The following CRHR2 variants were observed in gnomAD, a reference collection of about 807,000 sequenced individuals.
The protein encoded by CRHR2 is corticotropin-releasing hormone receptor 2.
In CRHR2, 53 loss-of-function variants were observed where a neutral mutation model predicts 57.9. That is an observed-to-expected ratio of 0.92 (90% CI 0.73 to 1.15). The LOEUF is 1.15. CRHR2 is among the 50% of genes most tolerant of loss of function. CRHR2 has a pLI of 0.00. For missense variants in CRHR2, 532 were observed against 542.6 expected (o/e 0.98, Z 0.19); for synonymous variants, 213 against 220.9 (o/e 0.96, Z 0.32).
chr7:30,694,924 GGA>G (rs1173896482), intron 1 of CRHR2, among the ~76,000 whole-genome samples: 1 of 145,444 alleles, frequency 6.9e-6, no homozygotes, highest in African/African-American at 2.6e-5. Context: ...GTCAGAAAAG[GGA>G]GAGGGGGAGA....
In CRHR2 at chr7:30,665,318, T is replaced by G; in HGVS notation, c.426-131A>C. Reference sequence around the variant, plus strand: ...ACTAGGAGCCACTTCCCACCCATGGTGGCCACAGTTGGGCCTCTGAGTCCA... The same window carrying G: ...ACTAGGAGCCACTTCCCACCCATGGGGGCCACAGTTGGGCCTCTGAGTCCA... On this transcript the variant is annotated intron_variant, in intron 4 of 11. Coordinates refer to ENST00000471646, the MANE Select transcript of CRHR2 (RefSeq NM_001883.5). This position sits in a 1 kb window ranked among gnomAD's most constrained non-coding sequence, Gnocchi z 4.5. The G allele has an allele frequency of 1.2e-6, 1 of 851,518 alleles. No homozygotes were observed. The allele number at this position is 851,518 out of a possible 1,614,324, so 52.7% of individuals were successfully genotyped here. A position where few individuals can be genotyped will look rare whatever the true frequency, so the allele number is the denominator to read the frequency against.
At chr7:30,662,910 C>T in intron 5 of CRHR2, 63 bp from the exon 6 acceptor site, 2 of 1,571,770 alleles carry the variant, frequency 1.3e-6, no homozygotes, top group African/African-American at 2.7e-5. Context: ...CATACCCATC[C>T]CCAGGCAGGG....
intron 2 of CRHR2, among the ~76,000 whole-genome samples, chr7:30,676,833 A>C (rs2128146416): frequency 6.6e-6 from 1 of 152,294 alleles, no homozygotes; most frequent in African/African-American, 2.4e-5. Flanking sequence ...ATGTCTCTAG[A>C]ATGGGGTTCT....
intron 5 of CRHR2, 137 bp from the exon 6 acceptor site, chr7:30,662,984 A>C: frequency 2.9e-6 from 3 of 1,039,472 alleles, no homozygotes; most frequent in Non-Finnish European, 4.1e-6. Flanking sequence ...AGCGAACCTC[A>C]CTCTGAAAAG....
At chr7:30,659,799 T>C (rs774861011) in intron 8 of CRHR2, among the ~76,000 whole-genome samples, 4 of 152,238 alleles carry the variant, frequency 2.6e-5, no homozygotes, top group Non-Finnish European at 5.9e-5. Context: ...GAGATGGCAC[T>C]CTCGCTGAGT....
At chr7:30,676,003 A>G (rs62446872) in intron 2 of CRHR2, among the ~76,000 whole-genome samples, 12,453 of 152,258 alleles carry the variant, frequency 0.082, 573 homozygotes, top group Admixed American at 0.12. Flanking sequence ...AGGAAAGATC[A>G]AGATGCATGC....
intron 2 of CRHR2, among the ~76,000 whole-genome samples, chr7:30,680,854 G>A (rs1198529327): frequency 1.1e-4 from 16 of 147,322 alleles, no homozygotes; most frequent in South Asian, 2.2e-4. Flanking sequence ...GTGTGTGTGT[G>A]TATGTGTGGT....
intron 1 of CRHR2, among the ~76,000 whole-genome samples, chr7:30,696,741 TAATTAA>T (rs943631624): frequency 1.3e-5 from 2 of 151,930 alleles, no homozygotes; most frequent in African/African-American, 2.4e-5. Flanking sequence ...TAAAATAAAA[TAATTAA>T]AATTAAAATT....
chr7:30,662,601 GCCAGGCTCTGGT>G, intron 6 of CRHR2, 81 bp downstream of exon 6: 1 of 1,484,876 alleles, frequency 6.7e-7, no homozygotes, highest in Non-Finnish European at 9.2e-7. Context: ...GGAGGGCAGG[GCCAGGCTCTGGT>G]CCTTGGACCC....
chr7:30,686,549 C>A (rs200380655), upstream of CRHR2: 60 of 1,517,972 alleles, frequency 4.0e-5, no homozygotes, highest in East Asian at 1.4e-3. Context: ...TGGCTCACAC[C>A]CATAATCTCA....
chr7:30,688,481 T>A (rs978960556), intron 2 of CRHR2, among the ~76,000 whole-genome samples: 1 of 152,150 alleles, frequency 6.6e-6, no homozygotes, highest in African/African-American at 2.4e-5. Context: ...ACTGCCCCAG[T>A]GGAAGGAGAA....
At chr7:30,669,391 G>T (rs895868416) in intron 2 of CRHR2, among the ~76,000 whole-genome samples, 11 of 152,090 alleles carry the variant, frequency 7.2e-5, no homozygotes, top group Non-Finnish European at 1.5e-4. Context: ...CAATGTGGGG[G>T]CTCCCTGAGG....
intron 2 of CRHR2, 96 bp downstream of exon 2, chr7:30,681,819 A>C (rs1784716505): frequency 6.9e-7 from 1 of 1,459,520 alleles, no homozygotes; most frequent in African/African-American, 1.5e-5. Flanking sequence ...GGCCGTCAGC[A>C]GCTTTGTACC....
rs1783778230 is a variant in CRHR2, at chr7:30,656,034, G to A, written c.832-22C>T. ...TGATCTGGAGGGAGGGCGGGCATGGGAAAGAGGGAAAAGGAAGGAGCACGT... is the reference window on the plus strand; with the variant it reads ...TGATCTGGAGGGAGGGCGGGCATGGAAAAGAGGGAAAAGGAAGGAGCACGT... On this transcript the variant is annotated intron_variant, in intron 8 of 11. Coordinates refer to ENST00000471646, the MANE Select transcript of CRHR2 (RefSeq NM_001883.5). This position sits in a 1 kb window ranked among gnomAD's most constrained non-coding sequence, Gnocchi z 4.4. 5 of 1,562,366 alleles carry A rather than the reference G, an allele frequency of 3.2e-6. No homozygotes were observed. The South Asian group carries it at 3.3e-5, about 10-fold the overall frequency.
intron 1 of CRHR2, among the ~76,000 whole-genome samples, chr7:30,691,655 C>T (rs1784962601): frequency 6.6e-6 from 1 of 152,228 alleles, no homozygotes; most frequent in East Asian, 1.9e-4. Flanking sequence ...AAATTTGGTA[C>T]AGGCATATCA....
rs1461492549 is a variant in CRHR2 at position 30,662,363 on chromosome 7, C to T, written c.698-147G>A. Reference sequence around the variant, plus strand: ...CCACAACCCCAGGGGTGCCCTGTCCCTCAACACCTGGCCCATGCCCCTGCC... The same window carrying T: ...CCACAACCCCAGGGGTGCCCTGTCCTTCAACACCTGGCCCATGCCCCTGCC... On this transcript the variant is annotated intron_variant, in intron 6 of 11. Transcript: ENST00000471646. 4.4e-6 allele frequency: 4 copies of T among 917,834 alleles called. No homozygotes were observed. The East Asian group carries it at 1.0e-4, about 24-fold the overall frequency. The allele number at this position is 917,834 out of a possible 1,614,324, so 56.9% of individuals were successfully genotyped here. A position where few individuals can be genotyped will look rare whatever the true frequency, so the allele number is the denominator to read the frequency against.
At chr7:30,677,940 T>A (rs1321614088) in intron 2 of CRHR2, among the ~76,000 whole-genome samples, 1 of 152,234 alleles carries the variant, frequency 6.6e-6, no homozygotes, top group East Asian at 1.9e-4. Flanking sequence ...TGTGGTGGCA[T>A]GTGCCTGCAG....
At chr7:30,671,893 GAGA>G (rs3831721) in intron 2 of CRHR2, among the ~76,000 whole-genome samples, 5 of 151,144 alleles carry the variant, frequency 3.3e-5, no homozygotes, top group Non-Finnish European at 2.9e-5. Context: ...GGAGGAGGAG[GAGA>G]AGAAGAAGAG....
intron 2 of CRHR2, among the ~76,000 whole-genome samples, chr7:30,680,358 C>G (rs532773311): frequency 6.6e-6 from 1 of 152,290 alleles, no homozygotes; most frequent in Non-Finnish European, 1.5e-5. Context: ...GAAGGGGGGG[C>G]CCCCAGGCTG....
Sources: gnomAD v4.1 joint callset for allele counts (sites outside exome capture counted in the v4.1 genomes callset) on GRCh38, gnomAD v4.1.1 for gene constraint, Gnocchi (gnomAD v3.1) non-coding constraint, MANE v1.5 for transcripts, NCBI Gene and HGNC (gene_info 2026-07-23, HGNC 2026-07-21) for gene names.